Variants in ZAN observed in about 807,000 individuals in gnomAD.
ZAN encodes zonadhesin (gene/pseudogene).
ZAN carries 260 observed loss-of-function variants against 286.2 expected under a neutral mutation model. The observed-to-expected ratio is 0.91, with a 90% CI of 0.82 to 1.01. ZAN has a LOEUF of 1.01. Ranked by LOEUF, ZAN falls within the 50% of genes least tolerant of loss-of-function variation. ZAN has a pLI of 0.00. For synonymous variants in ZAN, 1,368 were observed against 1,417.5 expected (o/e 0.97, Z 0.79); for missense variants, 3,410 against 3,639.2 (o/e 0.94, Z 1.62).
At chr7:100,755,023 C>T (rs1809042706) in intron 14 of ZAN, among the ~76,000 whole-genome samples, 1 of 152,098 alleles carries the variant, frequency 6.6e-6, no homozygotes, top group African/African-American at 2.4e-5. Flanking sequence ...CTCTTGGCCT[C>T]AAACAGTCCT....
chr7:100,794,255 C>T lies in ZAN; in HGVS notation c.8122C>T (p.Pro2708Ser), dbSNP rs765883493. The T allele has an allele frequency of 8.1e-6, 13 of 1,599,252 alleles. No individual in the cohort carries two copies. Among genetic ancestry groups the T allele is most frequent in the Non-Finnish European group, 9.4e-6 (11 of 1,171,862 alleles). The stretch of plus-strand genomic sequence containing the variant: ...GGGGAACCACACCCAAGGCTGCTTT[C>T]CAGGTGAACCTGCACTCCTGCCCGG... ...TLGNHTQGCFPESPCLQNPCQ... is the reference protein window; with the variant it reads ...TLGNHTQGCFSESPCLQNPCQ... Residue 2708 changes from proline (P) to serine (S), a missense_variant, in exon 44 of 48, where the codon CCA becomes TCA. Pro to Ser is a moderately conservative substitution (Grantham distance 74). Coordinates refer to ENST00000613979, the MANE Select transcript of ZAN (RefSeq NM_003386.3).
At chr7:100,757,343 G>A (rs1015912030) in intron 15 of ZAN, among the ~76,000 whole-genome samples, 2 of 152,090 alleles carry the variant, frequency 1.3e-5, no homozygotes, top group African/African-American at 4.8e-5. Flanking sequence ...ATAGGCTGTG[G>A]TCCTTGCCCT....
At chr7:100,776,718 CTTTTTTTTTTTT>C (rs1161585746) in intron 34 of ZAN, among the ~76,000 whole-genome samples, 154 bp downstream of exon 34, 6 of 47,508 alleles carry the variant, frequency 1.3e-4, no homozygotes, top group Admixed American at 4.5e-4. Flanking sequence ...CCTCTCCTTT[CTTTTTTTTTTTT>C]TTTTTTTTTT....
chr7:100,764,704 T>G (rs950887325), intron 22 of ZAN, among the ~76,000 whole-genome samples: 19 of 147,050 alleles, frequency 1.3e-4, no homozygotes, highest in Non-Finnish European at 2.5e-4. Context: ...ATAATAAAAA[T>G]AATAAATAAA....
intron 35 of ZAN, 79 bp from the exon 36 acceptor site, chr7:100,784,544 T>C (rs1337849902): frequency 1.4e-6 from 2 of 1,431,866 alleles, no homozygotes; most frequent in Non-Finnish European, 1.9e-6. Context: ...CATCCACCCA[T>C]AGCTTGGTTT....
intron 35 of ZAN, among the ~76,000 whole-genome samples, chr7:100,781,226 C>A (rs1279631268): frequency 6.6e-6 from 1 of 152,012 alleles, no homozygotes; most frequent in East Asian, 1.9e-4. Context: ...CACCACCACA[C>A]CCAGGTAATT....
At position 100,742,156 on chromosome 7, in the gene ZAN, G is replaced by A. The variant is rs1291027124; in HGVS notation, c.766+3543G>A. 5.1e-5 allele frequency among the ~76,000 whole-genome samples: 4 copies of A among 78,836 alleles called. 1 individual carries two copies. The highest frequency in any genetic ancestry group is 4.4e-4 in the South Asian group (1 of 2,250). 51.7% of individuals were successfully genotyped at this position (78,836 alleles called of 152,430 possible). On this transcript the variant is annotated intron_variant, in intron 7 of 47. Coordinates refer to ENST00000613979, the MANE Select transcript of ZAN (RefSeq NM_003386.3). ...GGTCTCCTCACTTCTCAGACGGGGC[G>A]GCCGGGCAGAGACGCTCCTCACCTC...
intron 22 of ZAN, 130 bp from the exon 23 acceptor site, chr7:100,765,222 C>A: frequency 9.2e-7 from 1 of 1,086,064 alleles, no homozygotes; most frequent in Non-Finnish European, 1.3e-6. Flanking sequence ...AAGCTTCTCA[C>A]AGTCACTCTC....
In ZAN at chr7:100,797,416, G is replaced by A. The variant is rs1394248868; in HGVS notation, c.8317G>A (p.Val2773Ile). The A allele has an allele frequency of 4.7e-5, 76 of 1,613,848 alleles. No homozygotes were observed. The highest frequency in any genetic ancestry group is 1.8e-4 in the South Asian group (16 of 91,076). Residue 2773 changes from valine to isoleucine, a missense_variant, in exon 46 of 48, where the codon GTA becomes ATA. Transcript: ENST00000613979. Reference sequence around the variant, plus strand: ...GGGACTGCTGGTGCCTGTGGTGGTCGTACTACTGGCCGTGACCAGAGAGTG... The same window carrying A: ...GGGACTGCTGGTGCCTGTGGTGGTCATACTACTGGCCGTGACCAGAGAGTG... The part of the protein sequence containing the change: ...LLGLLVPVVV[V>I]LLAVTRECIY...
At chr7:100,743,236 G>T (rs1807940639) in intron 7 of ZAN, among the ~76,000 whole-genome samples, 1 of 151,764 alleles carries the variant, frequency 6.6e-6, no homozygotes, top group Admixed American at 6.6e-5. Context: ...TGTTGGTCAG[G>T]GTGGTCTCGA....
rs779016959 is a variant in ZAN, at chr7:100,751,158, G to A, written c.1522-24G>A. The A allele has an allele frequency of 1.5e-5, 23 of 1,569,198 alleles. No individual in the cohort carries two copies. The East Asian group carries it at 2.2e-4, about 15-fold the overall frequency. ...GAGATTCATTTTTGTTTCTCTCTCC[G>A]TCTCTCTCCCTTGTCGCCTTTAGCT... On this transcript the variant is annotated intron_variant, in intron 12 of 47. Transcript: ENST00000613979.
Position 100,748,402 on chromosome 7 carries a change from A to G in ZAN, c.1181A>G (p.His394Arg). 2 of 1,614,016 alleles carry G rather than the reference A, an allele frequency of 1.2e-6. No homozygotes were observed. Among genetic ancestry groups the G allele is most frequent in the Non-Finnish European group, 1.7e-6 (2 of 1,179,892 alleles). Residue 394 changes from histidine (H) to arginine (R), a missense_variant, in exon 11 of 48, where the codon CAC (histidine) becomes CGC (arginine). This residue lies in a region of ZAN where 872 missense variants were observed against 938.9 expected (regional missense o/e 0.93). Coordinates refer to ENST00000613979, the MANE Select transcript of ZAN (RefSeq NM_003386.3). ...GTCCAGACTTCCGGGGATGGTGGAC[A>G]CTGGGCCCTCGGACATAAAAATGGA... ...DWVQTSGDGGHWALGHKNGPV... is the reference protein window; with the variant it reads ...DWVQTSGDGGRWALGHKNGPV...
At chr7:100,776,279 C>T (rs1165573364) in intron 33 of ZAN, among the ~76,000 whole-genome samples, 161 bp from the exon 34 acceptor site, 2 of 140,104 alleles carry the variant, frequency 1.4e-5, no homozygotes, top group Non-Finnish European at 3.1e-5. Context: ...GATCATGCCA[C>T]TGCACTCCAG....
intron 2 of ZAN, 89 bp from the exon 3 acceptor site, chr7:100,735,631 G>T: frequency 1.9e-6 from 2 of 1,027,002 alleles, no homozygotes; most frequent in South Asian, 2.8e-5. Context: ...ATCCTTACGT[G>T]ACCACTCAGA....
At chr7:100,785,960 C>T (rs1255951432) in intron 36 of ZAN, 37 bp from the exon 37 acceptor site, 1 of 1,593,584 alleles carries the variant, frequency 6.3e-7, no homozygotes, top group Non-Finnish European at 8.5e-7. Context: ...CGCCCAGCCC[C>T]CTCCTCACTC....
intron 11 of ZAN, among the ~76,000 whole-genome samples, chr7:100,750,294 G>A (rs1390763072): frequency 4.0e-5 from 6 of 151,716 alleles, no homozygotes; most frequent in South Asian, 4.2e-4. Flanking sequence ...GGGCCACCAC[G>A]CCCAGCTAAT....
chr7:100,785,972 CT>C, intron 36 of ZAN, 24 bp from the exon 37 acceptor site: 1 of 1,605,634 alleles, frequency 6.2e-7, no homozygotes, highest in Non-Finnish European at 8.5e-7. Context: ...TCCTCACTCT[CT>C]TTCTCTTCCT....
chr7:100,755,098 T>C, intron 14 of ZAN, 128 bp from the exon 15 acceptor site: 1 of 1,189,990 alleles, frequency 8.4e-7, no homozygotes, highest in Non-Finnish European at 1.2e-6. Flanking sequence ...CCTTCAGGCC[T>C]TTTTATGGCT....
Position 100,789,305 on chromosome 7 carries a change from G to A in ZAN, c.7315G>A (p.Asp2439Asn), listed in dbSNP as rs373967375. The A allele has an allele frequency of 1.5e-5, 25 of 1,613,802 alleles. No individual in the cohort carries two copies. The highest frequency in any genetic ancestry group is 1.2e-4 in the African/African-American group (9 of 74,934). The change falls in exon 39 of 48, where the codon GAC (aspartate) becomes AAC (asparagine). Residue 2439 changes from aspartate to asparagine, a missense_variant. Around this residue, in one of 7 missense-constraint regions of ZAN, gnomAD observed 1,289 missense variants for 1,314.3 expected, o/e 0.98. Coordinates refer to ENST00000613979, the MANE Select transcript of ZAN (RefSeq NM_003386.3). ...GGGCCAACGGCTCTACCTGGTCACC[G>A]ACTTTGAGCTGGTCGTCAGCTTTGG... ...LWGQRLYLVT[D>N]FELVVSFGGR...
Sources: allele counts gnomAD v4.1 joint callset (sites outside exome capture counted in the v4.1 genomes callset), GRCh38; gene constraint gnomAD v4.1.1; regional missense constraint gnomAD v4.1.1; transcripts MANE v1.5; gene names NCBI Gene and HGNC (gene_info 2026-07-23, HGNC 2026-07-21).